The following CIMAP3 variants were observed in gnomAD, a reference collection of about 807,000 sequenced individuals.
CIMAP3 encodes ciliary microtubule-associated protein 3.
the CIMAP3 span, chr1:111,349,940 C>T: frequency 8.8e-6 from 5 of 565,980 alleles, no homozygotes; most frequent in Non-Finnish European, 1.6e-5. Context: ...ACATCTAACT[C>T]GAAATACATT....
At chr1:111,336,467 G>A in the CIMAP3 span, among the ~76,000 whole-genome samples, 3 of 152,134 alleles carry the variant, frequency 2.0e-5, no homozygotes, top group Non-Finnish European at 4.4e-5. Context: ...TTAGAAGAAT[G>A]TATAACTAGA....
the CIMAP3 span, among the ~76,000 whole-genome samples, chr1:111,340,631 G>A: frequency 1.3e-5 from 2 of 152,186 alleles, no homozygotes; most frequent in African/African-American, 2.4e-5. Flanking sequence ...GGCCATCAGA[G>A]AAATGCAATC....
At chr1:111,347,133 A>C in the CIMAP3 span, 1 of 1,453,846 alleles carries the variant, frequency 6.9e-7, no homozygotes, top group Non-Finnish European at 9.2e-7. Flanking sequence ...TAAAAGAAAA[A>C]ATTCTGTGGG....
At chr1:111,347,618 C>CT in the CIMAP3 span, 148,931 of 918,912 alleles carry the variant, frequency 0.16, 9,271 homozygotes, top group South Asian at 0.18. Context: ...GTTGTTTTTT[C>CT]TTTCTTTTTT....
chr1:111,335,627 G>A, the CIMAP3 span, among the ~76,000 whole-genome samples: 1 of 152,246 alleles, frequency 6.6e-6, no homozygotes, highest in Non-Finnish European at 1.5e-5. Context: ...CAAACTGCAA[G>A]GGGGCAGCGA....
At chr1:111,333,133 T>G in the CIMAP3 span, among the ~76,000 whole-genome samples, 1 of 151,980 alleles carries the variant, frequency 6.6e-6, no homozygotes, top group East Asian at 1.9e-4. Context: ...TGGGGAAGGG[T>G]GCACAGAAGT....
the CIMAP3 span, among the ~76,000 whole-genome samples, chr1:111,345,394 A>G: frequency 6.6e-6 from 1 of 152,166 alleles, no homozygotes; most frequent in African/African-American, 2.4e-5. Flanking sequence ...ACTACTACTA[A>G]TTATTTTTGT....
chr1:111,337,264 T>C, the CIMAP3 span, among the ~76,000 whole-genome samples: 4 of 152,266 alleles, frequency 2.6e-5, no homozygotes, highest in African/African-American at 4.8e-5. Context: ...TAAAGACCAT[T>C]GAGACTAGGA....
chr1:111,343,217 AATTG>A, the CIMAP3 span, among the ~76,000 whole-genome samples: 204 of 152,286 alleles, frequency 1.3e-3, no homozygotes, highest in African/African-American at 4.7e-3. Context: ...CTCTGTGTTG[AATTG>A]ATTATTATTT....
At chr1:111,336,445 T>A in the CIMAP3 span, among the ~76,000 whole-genome samples, 1 of 151,872 alleles carries the variant, frequency 6.6e-6, no homozygotes, top group East Asian at 1.9e-4. Flanking sequence ...AGTTAAAAAA[T>A]TTGAAAAAAA....
chr1:111,333,395 C>G, the CIMAP3 span, among the ~76,000 whole-genome samples: 1 of 152,130 alleles, frequency 6.6e-6, no homozygotes, highest in African/African-American at 2.4e-5. Flanking sequence ...CCAGAAGTAC[C>G]TCTGGTCTCA....
chr1:111,344,378 T>C, the CIMAP3 span, among the ~76,000 whole-genome samples: 12 of 152,314 alleles, frequency 7.9e-5, no homozygotes, highest in South Asian at 2.1e-4. Context: ...AACCTAAATC[T>C]TGTTTCCGAG....
chr1:111,343,520 TTGTC>T, the CIMAP3 span, among the ~76,000 whole-genome samples: 1 of 152,258 alleles, frequency 6.6e-6, no homozygotes, highest in South Asian at 2.1e-4. Context: ...CTATAAAACT[TTGTC>T]TAAGTACTCC....
the CIMAP3 span, among the ~76,000 whole-genome samples, chr1:111,328,485 G>A: frequency 6.6e-6 from 1 of 152,194 alleles, no homozygotes; most frequent in African/African-American, 2.4e-5. Flanking sequence ...GGGAGTCTAT[G>A]TCTTTTTGCA....
At chr1:111,346,088 T>G in the CIMAP3 span, among the ~76,000 whole-genome samples, 1 of 152,180 alleles carries the variant, frequency 6.6e-6, no homozygotes, top group South Asian at 2.1e-4. Flanking sequence ...TCCAGTTCTT[T>G]TAAAACCTCG....
At chr1:111,350,360 G>A in the CIMAP3 span, 1 of 687,620 alleles carries the variant, frequency 1.5e-6, no homozygotes, top group Non-Finnish European at 2.5e-6. Context: ...ACAATTTTGT[G>A]TGTATATGAA....
At chr1:111,346,506 C>G in the CIMAP3 span, 3 of 1,249,646 alleles carry the variant, frequency 2.4e-6, no homozygotes, top group African/African-American at 1.5e-5. Context: ...GTTCCTGCCC[C>G]AGTAGTGGCT....
At chr1:111,324,888 T>C in the CIMAP3 span, 2 of 983,508 alleles carry the variant, frequency 2.0e-6, no homozygotes, top group African/African-American at 3.5e-5. Context: ...ACTTTGGTAA[T>C]GGTAATCATG....
At chr1:111,331,676 T>C in the CIMAP3 span, among the ~76,000 whole-genome samples, 1 of 152,140 alleles carries the variant, frequency 6.6e-6, no homozygotes, top group Non-Finnish European at 1.5e-5. Context: ...TTAAATTCTT[T>C]TTTGGGGGGG....
Sources: allele counts gnomAD v4.1 joint callset (sites outside exome capture counted in the v4.1 genomes callset), GRCh38; gene constraint gnomAD v4.1.1; transcripts MANE v1.5; gene names NCBI Gene and HGNC (gene_info 2026-07-23, HGNC 2026-07-21).